Variants in DLC1 observed in about 807,000 individuals in gnomAD.
The protein encoded by DLC1 is DLC1 Rho GTPase activating protein, also known as rho GTPase-activating protein 7.
DLC1 carries 54 observed loss-of-function variants against 140.3 expected under a neutral mutation model. The observed-to-expected ratio is 0.38, with a 90% confidence interval of 0.31 to 0.48. DLC1 has a LOEUF of 0.48. Among genes scored for constraint, DLC1 ranks in the 20% least tolerant of loss-of-function variants. DLC1 has a pLI of 0.96. For synonymous variants in DLC1, 986 were observed against 728.1 expected (o/e 1.35, Z -5.70); for missense variants, 2,536 against 1,907.0 (o/e 1.33, Z -6.14).
upstream of DLC1, among the ~76,000 whole-genome samples, chr8:13,519,291 C>A (rs888201888): frequency 1.3e-5 from 2 of 152,084 alleles, no homozygotes; most frequent in East Asian, 3.9e-4. Flanking sequence ...CCATGCCCAG[C>A]TATTTTTTTT....
chr8:13,362,837 G>T (rs1327350717), intron 4 of DLC1, among the ~76,000 whole-genome samples: 1 of 152,028 alleles, frequency 6.6e-6, no homozygotes, highest in Non-Finnish European at 1.5e-5. Flanking sequence ...ATTCTCTTCT[G>T]TTTTGTTTTG....
chr8:13,199,779 G>GT (rs1201703374), intron 5 of DLC1, among the ~76,000 whole-genome samples: 2 of 152,138 alleles, frequency 1.3e-5, no homozygotes, highest in Non-Finnish European at 2.9e-5. Context: ...TAGAGCATGA[G>GT]TTTGAAACTA....
intron 16 of DLC1, among the ~76,000 whole-genome samples, chr8:13,087,951 A>T (rs1817703196): frequency 6.6e-6 from 1 of 152,230 alleles, no homozygotes; most frequent in Non-Finnish European, 1.5e-5. Context: ...TATTCATTGG[A>T]AGGGGCCTCT....
intron 2 of DLC1, among the ~76,000 whole-genome samples, chr8:13,464,048 C>G (rs993517356): frequency 1.3e-5 from 2 of 152,042 alleles, no homozygotes; most frequent in African/African-American, 4.8e-5. Flanking sequence ...AGGCAAAATG[C>G]AAGAAAAAAA....
chr8:13,324,724 T>A (rs1435749597), intron 4 of DLC1, among the ~76,000 whole-genome samples: 1 of 152,214 alleles, frequency 6.6e-6, no homozygotes, highest in Non-Finnish European at 1.5e-5. Context: ...AAATTTAAGT[T>A]ACTTTTTAAG....
At chr8:13,255,308 A>G (rs1169892455) in intron 5 of DLC1, among the ~76,000 whole-genome samples, 1 of 152,174 alleles carries the variant, frequency 6.6e-6, no homozygotes, top group Non-Finnish European at 1.5e-5. Context: ...TAATTATCAA[A>G]TGGGGATAGT....
rs114737568 is a variant in DLC1, at chr8:13,458,612, T to G, written c.1023+40437A>C. ...ATGTCTAAAAACAGTCATCTGATAG[T>G]AAGTCACTACTACAATTATGAAATC... On this transcript the variant is annotated intron_variant, in intron 2 of 17. Transcript: ENST00000276297. Among the ~76,000 whole-genome samples the G allele has an allele frequency of 4.1e-3, 625 of 152,324 alleles. 8 individuals are homozygous for G. The highest frequency in any genetic ancestry group is 0.015 in the African/African-American group (606 of 41,572).
At chr8:13,148,956 C>G (rs1487189924) in intron 5 of DLC1, among the ~76,000 whole-genome samples, 1 of 152,048 alleles carries the variant, frequency 6.6e-6, no homozygotes, top group Non-Finnish European at 1.5e-5. Flanking sequence ...CCACGCCCGG[C>G]TAATTTTTTG....
At chr8:13,429,761 A>T (rs62492201) in intron 2 of DLC1, among the ~76,000 whole-genome samples, 1 of 152,048 alleles carries the variant, frequency 6.6e-6, no homozygotes, top group South Asian at 2.1e-4. Context: ...CTTGCTCAGA[A>T]AGACACACAA....
intron 4 of DLC1, among the ~76,000 whole-genome samples, chr8:13,356,410 A>C (rs1335137117): frequency 2.0e-5 from 3 of 152,264 alleles, no homozygotes; most frequent in East Asian, 3.9e-4. Flanking sequence ...GCCTCAATTG[A>C]TACTTTAACA....
At chr8:13,253,463 G>A (rs1431222904) in intron 5 of DLC1, among the ~76,000 whole-genome samples, 1 of 149,590 alleles carries the variant, frequency 6.7e-6, no homozygotes, top group East Asian at 1.9e-4. Flanking sequence ...TTGTATGTGT[G>A]GTGTTTAGAT....
Position 13,214,659 on chromosome 8 carries a change from A to G in DLC1, c.1348+90610T>C, listed in dbSNP as rs369666047. The G allele has an allele frequency of 5.8e-5, 45 of 780,672 alleles. No individual in the cohort carries two copies. In the African/African-American group the frequency reaches 6.6e-4, roughly 11 times the overall value. 48.4% of individuals were successfully genotyped at this position (780,672 alleles called of 1,614,324 possible). On this transcript the variant is annotated intron_variant, in intron 5 of 17. Transcript: ENST00000276297. ...TGTTTTCTTCTCCAGCAACATGGAA[A>G]AGCCTCTTCTGGGGAAAGGTGTAAG...
At chr8:13,238,538 A>AT (rs1278275190) in intron 5 of DLC1, among the ~76,000 whole-genome samples, 1 of 151,760 alleles carries the variant, frequency 6.6e-6, no homozygotes, top group Non-Finnish European at 1.5e-5. Context: ...GAAAAAAAAA[A>AT]GTGCTCTCTC....
intron 4 of DLC1, among the ~76,000 whole-genome samples, chr8:13,351,713 T>C (rs1268587768): frequency 6.6e-6 from 1 of 152,182 alleles, no homozygotes; most frequent in African/African-American, 2.4e-5. Context: ...CTTAAAATAT[T>C]CACTATCTGA....
intron 4 of DLC1, among the ~76,000 whole-genome samples, chr8:13,370,749 C>T (rs778010540): frequency 6.6e-6 from 1 of 152,140 alleles, no homozygotes; most frequent in Non-Finnish European, 1.5e-5. Flanking sequence ...TCTGGGGTGG[C>T]AAGATGTGTA....
intron 4 of DLC1, among the ~76,000 whole-genome samples, chr8:13,324,331 G>C (rs555811406): frequency 1.5e-3 from 226 of 152,262 alleles, no homozygotes; most frequent in African/African-American, 5.2e-3. Flanking sequence ...CACTTTGGGA[G>C]GCCGAGGCGG....
intron 2 of DLC1, among the ~76,000 whole-genome samples, chr8:13,493,874 A>G (rs1212666228): frequency 6.6e-6 from 1 of 152,152 alleles, no homozygotes; most frequent in Non-Finnish European, 1.5e-5. Context: ...AAGGAAAGAG[A>G]GTATCATTTC....
In DLC1 at chr8:13,085,948, A is replaced by C. The variant is rs1266537153; in HGVS notation, c.4467-17T>G. ...ATGTGGCCCCTATCAGAGAAAAGAA[A>C]GAAAAGCTGATGAATTATTTAAGTT... On this transcript the variant is annotated splice_polypyrimidine_tract_variant and intron_variant, in intron 17 of 17. Coordinates refer to ENST00000276297, the MANE Select transcript of DLC1 (RefSeq NM_182643.3). The C allele has an allele frequency of 6.2e-7, 1 of 1,610,804 alleles. No homozygotes were observed. Among genetic ancestry groups the C allele is most frequent in the African/African-American group, 1.3e-5 (1 of 74,664 alleles).
chr8:13,241,619 A>G (rs745956708), intron 5 of DLC1, among the ~76,000 whole-genome samples: 3 of 152,160 alleles, frequency 2.0e-5, no homozygotes, highest in Non-Finnish European at 4.4e-5. Context: ...CCTGCATCCA[A>G]GTCCTCTAAA....
Sources: gnomAD v4.1 joint callset for allele counts (sites outside exome capture counted in the v4.1 genomes callset) on GRCh38, gnomAD v4.1.1 for gene constraint, MANE v1.5 for transcripts, NCBI Gene and HGNC (gene_info 2026-07-23, HGNC 2026-07-21) for gene names.